The following SMYD3 variants were observed in gnomAD, a reference collection of about 807,000 sequenced individuals.
SMYD3 encodes the protein SET and MYND domain containing 3, also known as histone-lysine N-methyltransferase SMYD3.
In SMYD3, 36 loss-of-function variants were observed where a neutral mutation model predicts 57.7. That is an observed-to-expected ratio of 0.62 (90% CI 0.48 to 0.82). The LOEUF is 0.82. Among genes scored for constraint, SMYD3 ranks in the 40% least tolerant of loss-of-function variants. The probability of loss-of-function intolerance (pLI) is 0.00; values close to 1 mark genes in which losing one functional copy is unlikely to be tolerated. For synonymous variants in SMYD3, 211 were observed against 195.0 expected (o/e 1.08, Z -0.68); for missense variants, 515 against 538.8 (o/e 0.96, Z 0.44).
intron 5 of SMYD3, among the ~76,000 whole-genome samples, chr1:245,990,294 G>T (rs1328212584): frequency 6.6e-6 from 1 of 152,114 alleles, no homozygotes; most frequent in Non-Finnish European, 1.5e-5. Context: ...TCACTATGTT[G>T]CCCAGGTTAG....
chr1:245,887,321 C>A (rs2053141036), intron 8 of SMYD3, among the ~76,000 whole-genome samples: 1 of 152,084 alleles, frequency 6.6e-6, no homozygotes, highest in Non-Finnish European at 1.5e-5. Context: ...CCTATATGGT[C>A]TAAAAAGGGG....
intron 5 of SMYD3, among the ~76,000 whole-genome samples, chr1:245,958,114 A>C (rs545761489): frequency 2.8e-4 from 42 of 152,166 alleles, no homozygotes; most frequent in Non-Finnish European, 4.4e-4. Context: ...TTTACCACGA[A>C]AGTTGGGAGA....
intron 1 of SMYD3, among the ~76,000 whole-genome samples, chr1:246,485,145 T>C (rs61839825): frequency 0.23 from 33,935 of 146,682 alleles, 4,250 homozygotes; most frequent in Middle Eastern, 0.36. Flanking sequence ...AACACATGAC[T>C]TCAACCAAAA....
chr1:246,225,002 A>T (rs12043799), intron 5 of SMYD3, among the ~76,000 whole-genome samples: 26,941 of 151,912 alleles, frequency 0.18, 2,761 homozygotes, highest in East Asian at 0.34. Flanking sequence ...AGATGGCTGG[A>T]CATACGAACG....
At chr1:246,411,756 A>G (rs1445658213) in intron 1 of SMYD3, among the ~76,000 whole-genome samples, 3 of 145,612 alleles carry the variant, frequency 2.1e-5, no homozygotes, top group African/African-American at 5.0e-5. Flanking sequence ...GTTCTCGCTC[A>G]TAGGTGGGAA....
intron 5 of SMYD3, among the ~76,000 whole-genome samples, chr1:246,232,281 T>A (rs541428401): frequency 1.3e-5 from 2 of 152,304 alleles, no homozygotes; most frequent in East Asian, 3.9e-4. Context: ...TACATAATAC[T>A]GTAACCACGG....
In SMYD3 at chr1:246,410,484, C is replaced by T. The variant is rs575177822; in HGVS notation, c.165-55390G>A. On this transcript the variant is annotated intron_variant, in intron 1 of 11. Transcript: ENST00000490107. ...ATGCTGGACTACATTTATTGATTTTCGTATGTTGAACCAGCCTTGCATCCC... is the reference window on the plus strand; with the variant it reads ...ATGCTGGACTACATTTATTGATTTTTGTATGTTGAACCAGCCTTGCATCCC... 5.3e-5 allele frequency among the ~76,000 whole-genome samples: 8 copies of T among 152,264 alleles called. No individual in the cohort carries two copies. In the South Asian group the frequency reaches 8.3e-4, roughly 16 times the overall value.
chr1:245,870,502 C>A (rs2052125142), intron 8 of SMYD3, among the ~76,000 whole-genome samples: 1 of 152,166 alleles, frequency 6.6e-6, no homozygotes, highest in Non-Finnish European at 1.5e-5. Flanking sequence ...AGGTCCCTCG[C>A]TCCATCTATC....
chr1:246,329,179 G>A (rs1297622344), intron 4 of SMYD3, among the ~76,000 whole-genome samples: 2 of 152,200 alleles, frequency 1.3e-5, no homozygotes, highest in Non-Finnish European at 2.9e-5. Flanking sequence ...ATAGCAGCAT[G>A]ATTTATAGTC....
At chr1:245,759,599 G>T (rs2045757093) in intron 11 of SMYD3, among the ~76,000 whole-genome samples, 1 of 152,150 alleles carries the variant, frequency 6.6e-6, no homozygotes, top group Non-Finnish European at 1.5e-5. Context: ...CCATTGCTGG[G>T]GCTGAAAATC....
intron 5 of SMYD3, among the ~76,000 whole-genome samples, chr1:245,966,887 C>G (rs192346353): frequency 1.3e-5 from 2 of 152,296 alleles, no homozygotes; most frequent in Non-Finnish European, 2.9e-5. Flanking sequence ...CCTATCCCCC[C>G]TCAGGACCTC....
chr1:245,863,956 TC>T, intron 8 of SMYD3, 70 bp from the exon 9 acceptor site: 1 of 1,390,440 alleles, frequency 7.2e-7, no homozygotes, highest in Non-Finnish European at 1.0e-6. Context: ...TAGACCTTTC[TC>T]CCAGATATAC....
At chr1:246,369,699 T>G (rs1032393060) in intron 1 of SMYD3, among the ~76,000 whole-genome samples, 1 of 151,824 alleles carries the variant, frequency 6.6e-6, no homozygotes, top group Non-Finnish European at 1.5e-5. Context: ...GCTAATTTTT[T>G]AAATTATTTG....
intron 5 of SMYD3, among the ~76,000 whole-genome samples, chr1:246,147,768 A>T (rs2061875064): frequency 6.6e-6 from 1 of 151,798 alleles, no homozygotes; most frequent in East Asian, 1.9e-4. Context: ...GCGGCTGCAG[A>T]CCTGGGCTTC....
chr1:246,353,322 G>C (rs2065861923), intron 2 of SMYD3, among the ~76,000 whole-genome samples: 1 of 152,134 alleles, frequency 6.6e-6, no homozygotes, highest in Non-Finnish European at 1.5e-5. Flanking sequence ...GAGCTCAGGA[G>C]TTTAACATCA....
intron 5 of SMYD3, among the ~76,000 whole-genome samples, chr1:246,163,219 A>G (rs187698409): frequency 6.1e-4 from 93 of 152,346 alleles, no homozygotes; most frequent in African/African-American, 2.1e-3. Context: ...AGTTTATTCT[A>G]TACTTGTAGG....
intron 8 of SMYD3, among the ~76,000 whole-genome samples, chr1:245,869,483 T>C (rs537233307): frequency 6.6e-6 from 1 of 152,330 alleles, no homozygotes; most frequent in South Asian, 2.1e-4. Flanking sequence ...GCAGAACCAA[T>C]TTAGCTCCAT....
chr1:246,409,039 T>C (rs184335657), intron 1 of SMYD3, among the ~76,000 whole-genome samples: 1 of 152,202 alleles, frequency 6.6e-6, no homozygotes, highest in Admixed American at 6.5e-5. Context: ...TTTTTTCTTG[T>C]AAATTTGTTT....
intron 8 of SMYD3, among the ~76,000 whole-genome samples, chr1:245,909,835 T>G (rs1471947759): frequency 6.6e-6 from 1 of 152,052 alleles, no homozygotes; most frequent in Non-Finnish European, 1.5e-5. Flanking sequence ...GGGCCATATA[T>G]GACAAACCCC....
Sources: allele counts gnomAD v4.1 joint callset (sites outside exome capture counted in the v4.1 genomes callset), GRCh38; gene constraint gnomAD v4.1.1; transcripts MANE v1.5; gene names NCBI Gene and HGNC (gene_info 2026-07-23, HGNC 2026-07-21).